The following FCRL4 variants were observed in gnomAD, a reference collection of about 807,000 sequenced individuals.
FCRL4 encodes the protein Fc receptor-like protein 4.
FCRL4 carries 43 observed loss-of-function variants against 64.1 expected under a neutral mutation model. That is an observed-to-expected ratio of 0.67 (90% confidence interval 0.53 to 0.87). FCRL4 has a LOEUF of 0.87. Among genes scored for constraint, FCRL4 ranks in the 40% least tolerant of loss-of-function variants. The pLI is 0.00. For synonymous variants in FCRL4, 253 were observed against 239.8 expected, an observed-to-expected ratio of 1.05 and a Z score of -0.51; for missense variants, 656 against 613.5, an observed-to-expected ratio of 1.07 and a Z score of -0.73.
chr1:157,575,307 G>A lies in FCRL4; in HGVS notation c.*217C>T. On this transcript the variant is annotated 3_prime_UTR_variant, in exon 12 of 12. Coordinates refer to ENST00000271532, the MANE Select transcript of FCRL4 (RefSeq NM_031282.3). ...ACTACAGGGTCTTCTCTTAACTGTG[G>A]ATCCTGGTCATTTTAGTGAAGTCTT... The A allele has an allele frequency of 1.7e-6, 1 of 572,922 alleles. No individual in the cohort carries two copies. The highest frequency in any genetic ancestry group is 3.1e-6 in the Non-Finnish European group (1 of 319,934). The allele number at this position is 572,922 out of a possible 1,614,324, so 35.5% of individuals were successfully genotyped here.
At chr1:157,583,957 A>G (rs1388955923) in intron 6 of FCRL4, among the ~76,000 whole-genome samples, 1 of 152,200 alleles carries the variant, frequency 6.6e-6, no homozygotes, top group African/African-American at 2.4e-5. Flanking sequence ...ACAGATGTTG[A>G]CACCTGCTTT....
intron 2 of FCRL4, among the ~76,000 whole-genome samples, chr1:157,592,549 C>T (rs536943131): frequency 6.6e-6 from 1 of 152,276 alleles, no homozygotes; most frequent in South Asian, 2.1e-4. Context: ...CCATCTCATG[C>T]CAGTTAGAAT....
Position 157,581,616 on chromosome 1 carries a change from G to A in FCRL4, c.1164C>T (p.Val388=), listed in dbSNP as rs763330168. The part of the protein sequence containing the change: ...RETPGNRDGL[V]AAGATGGLLS... ...GCAGCCCTCCAGTGGCTCCCGCGGC[G>A]ACAAGGCCATCTCTGTTGCCTGGGG... The change falls in exon 7 of 12, where the codon GTC becomes GTT. Residue 388 remains valine (V), a synonymous_variant. Transcript: ENST00000271532. The A allele has an allele frequency of 7.4e-6, 12 of 1,613,898 alleles. No homozygotes were observed. In the Admixed American group the frequency reaches 1.2e-4, roughly 16 times the overall value.
chr1:157,578,636 C>G (rs1652472969), intron 9 of FCRL4, 94 bp from the exon 10 acceptor site: 1 of 1,376,546 alleles, frequency 7.3e-7, no homozygotes, highest in African/African-American at 1.4e-5. Flanking sequence ...TTCTTGGACA[C>G]ATAATGGAAC....
intron 7 of FCRL4, 73 bp from the exon 8 acceptor site, chr1:157,580,421 C>T (rs1652534996): frequency 6.6e-7 from 1 of 1,505,496 alleles, no homozygotes; most frequent in Non-Finnish European, 9.2e-7. Context: ...GTAACAGGAG[C>T]TATCTAAGAG....
intron 8 of FCRL4, among the ~76,000 whole-genome samples, chr1:157,579,089 G>A (rs1456263320): frequency 1.3e-5 from 2 of 152,196 alleles, no homozygotes; most frequent in African/African-American, 4.8e-5. Flanking sequence ...AACAAGGTTA[G>A]GGAGTCTCTG....
Position 157,588,120 on chromosome 1 carries a change from CTG to C in FCRL4, c.308-3_308-2del. On this transcript the variant is annotated splice_acceptor_variant and splice_polypyrimidine_tract_variant and intron_variant, in intron 3 of 11. Coordinates refer to ENST00000271532, the MANE Select transcript of FCRL4 (RefSeq NM_031282.3). LOFTEE classifies it high-confidence loss of function. The stretch of plus-strand genomic sequence containing the variant: ...TATGGTGCCTGCAGGATTAAGGAGT[CTG>C]GAAAAGACACAGAGAGGAGATCGTC... 6.2e-7 allele frequency: 1 copy of C among 1,600,094 alleles called. No individual in the cohort carries two copies. The highest frequency in any genetic ancestry group is 1.7e-5 in the Admixed American group (1 of 57,826).
intron 2 of FCRL4, among the ~76,000 whole-genome samples, chr1:157,591,907 A>G (rs1326912906): frequency 6.6e-6 from 1 of 152,196 alleles, no homozygotes; most frequent in African/African-American, 2.4e-5. Context: ...ATATAGACCA[A>G]TGGAATGGAA....
intron 4 of FCRL4, 74 bp from the exon 5 acceptor site, chr1:157,587,634 C>G: frequency 1.3e-6 from 2 of 1,492,278 alleles, no homozygotes; most frequent in South Asian, 2.5e-5. Flanking sequence ...TTTGGATGCT[C>G]AGTCCCAGGA....
chr1:157,586,669 A>G (rs911358414), intron 5 of FCRL4, among the ~76,000 whole-genome samples: 1 of 152,198 alleles, frequency 6.6e-6, no homozygotes, highest in African/African-American at 2.4e-5. Context: ...CAGGAAAGAA[A>G]AAAGGACTAA....
rs1375736420 is a variant in FCRL4, at chr1:157,575,259, A to G, written c.*265T>C. 6.0e-6 allele frequency: 3 copies of G among 499,726 alleles called. No individual in the cohort carries two copies. The highest frequency in any genetic ancestry group is 1.1e-5 in the Non-Finnish European group (3 of 274,468). The allele number at this position is 499,726 out of a possible 1,614,324, so 31.0% of individuals were successfully genotyped here. A position where few individuals can be genotyped will look rare whatever the true frequency, so the allele number is the denominator to read the frequency against. The stretch of plus-strand genomic sequence containing the variant: ...CTCTAAAGCAGACCCTAGGGAATAC[A>G]TTAGGTCAGGCCCACAGCAAATACT... On this transcript the variant is annotated 3_prime_UTR_variant, in exon 12 of 12. Coordinates refer to ENST00000271532, the MANE Select transcript of FCRL4 (RefSeq NM_031282.3).
chr1:157,576,668 GAT>G (rs1392228048), intron 10 of FCRL4, among the ~76,000 whole-genome samples: 1 of 152,182 alleles, frequency 6.6e-6, no homozygotes, highest in Non-Finnish European at 1.5e-5. Context: ...AGCTTTATAA[GAT>G]AAGATGTACT....
At chr1:157,585,047 C>T (rs1027759964) in intron 6 of FCRL4, among the ~76,000 whole-genome samples, 4 of 152,146 alleles carry the variant, frequency 2.6e-5, no homozygotes, top group Non-Finnish European at 5.9e-5. Context: ...CAGTTTTCCA[C>T]TGGCCTTAGA....
At chr1:157,588,451 G>A (rs540065511) in intron 3 of FCRL4, among the ~76,000 whole-genome samples, 69 of 152,336 alleles carry the variant, frequency 4.5e-4, no homozygotes, top group African/African-American at 1.6e-3. Flanking sequence ...GAGTCTCAGA[G>A]CAGGAGCTAT....
Position 157,575,275 on chromosome 1 carries a change from A to T in FCRL4, c.*249T>A. On this transcript the variant is annotated 3_prime_UTR_variant, in exon 12 of 12. Coordinates refer to ENST00000271532, the MANE Select transcript of FCRL4 (RefSeq NM_031282.3). The stretch of plus-strand genomic sequence containing the variant: ...AGGGAATACATTAGGTCAGGCCCAC[A>T]GCAAATACTACAGGGTCTTCTCTTA... 1.9e-6 allele frequency: 1 copy of T among 525,042 alleles called. No individual in the cohort carries two copies. Among genetic ancestry groups the T allele is most frequent in the African/African-American group, 1.9e-5 (1 of 52,792 alleles). The allele number at this position is 525,042 out of a possible 1,614,324, so 32.5% of individuals were successfully genotyped here.
At position 157,578,836 on chromosome 1, in the gene FCRL4, C is replaced by T; in HGVS notation, c.1294G>A (p.Gly432Ser). ...GDETRLPPAP[G>S]PGESSHSICP... ...ATGGAATGGGAGGACTCTCCTGGGC[C>T]TGGAGCGGGAGGGAGCCTGTGAGAC... The change falls in exon 9 of 12, where the codon GGC becomes AGC. Residue 432 changes from glycine (G) to serine (S), a missense_variant. Coordinates refer to ENST00000271532, the MANE Select transcript of FCRL4 (RefSeq NM_031282.3). 6.2e-7 allele frequency: 1 copy of T among 1,613,416 alleles called. No homozygotes were observed. Among genetic ancestry groups the T allele is most frequent in the Non-Finnish European group, 8.5e-7 (1 of 1,179,688 alleles).
At chr1:157,582,163 A>C (rs1362079895) in intron 6 of FCRL4, among the ~76,000 whole-genome samples, 1 of 152,240 alleles carries the variant, frequency 6.6e-6, no homozygotes, top group East Asian at 1.9e-4. Flanking sequence ...GGAGAGAAAA[A>C]AACGGATGGA....
chr1:157,594,753 C>CT (rs1393590008), intron 2 of FCRL4, among the ~76,000 whole-genome samples: 1 of 152,116 alleles, frequency 6.6e-6, no homozygotes, highest in Non-Finnish European at 1.5e-5. Flanking sequence ...CCAAATAGAT[C>CT]TTTTAGTTAC....
At position 157,585,134 on chromosome 1, in the gene FCRL4, T is replaced by C. The variant is rs183921814; in HGVS notation, c.1135+1034A>G. Among the ~76,000 whole-genome samples the C allele has an allele frequency of 1.4e-3, 209 of 152,014 alleles. 1 individual carries two copies. The highest frequency in any genetic ancestry group is 1.6e-3 in the Non-Finnish European group (108 of 67,956). On this transcript the variant is annotated intron_variant, in intron 6 of 11. Transcript: ENST00000271532. ...TGGGTTTAAGAAAAAATCAGGGAGG[T>C]AAGGAGAGTGAATTGAGGAGTTTTA... is the stretch of plus-strand genomic sequence containing the variant.
Sources: gnomAD v4.1 joint callset for allele counts (sites outside exome capture counted in the v4.1 genomes callset) on GRCh38, gnomAD v4.1.1 for gene constraint, MANE v1.5 for transcripts, NCBI Gene and HGNC (gene_info 2026-07-23, HGNC 2026-07-21) for gene names.